Variants in YWHAQ observed in about 807,000 individuals in gnomAD.
The protein encoded by YWHAQ is 14-3-3 protein theta.
In YWHAQ, 6 loss-of-function variants were observed where a neutral mutation model predicts 28.3. That is an observed-to-expected ratio of 0.21 (90% CI 0.12 to 0.42). The LOEUF (loss-of-function observed/expected upper bound fraction) is 0.42. Ranked by LOEUF, YWHAQ falls within the 10% of genes least tolerant of loss-of-function variation. The pLI, the probability that YWHAQ is intolerant of heterozygous loss-of-function variation, is 1.00. For missense variants in YWHAQ, 201 were observed against 305.6 expected, an observed-to-expected ratio of 0.66 and a Z score of 2.55; for synonymous variants, 143 against 119.1, an observed-to-expected ratio of 1.20 and a Z score of -1.31.
At chr2:9,596,105 T>C (rs1348617520) in intron 2 of YWHAQ, among the ~76,000 whole-genome samples, 1 of 152,058 alleles carries the variant, frequency 6.6e-6, no homozygotes, top group Non-Finnish European at 1.5e-5. Flanking sequence ...AAAAATAGGA[T>C]GGGAACAATA....
chr2:9,622,713 T>G (rs181489680), intron 2 of YWHAQ, among the ~76,000 whole-genome samples: 1 of 152,346 alleles, frequency 6.6e-6, no homozygotes, highest in East Asian at 1.9e-4. Flanking sequence ...CTGTTTCATC[T>G]GTATTCCCCC....
chr2:9,588,989 G>A (rs1379182151), intron 3 of YWHAQ, among the ~76,000 whole-genome samples: 1 of 152,040 alleles, frequency 6.6e-6, no homozygotes, highest in Non-Finnish European at 1.5e-5. Flanking sequence ...AGGCATGGTA[G>A]TGCGTGCCTG....
chr2:9,607,283 G>A (rs568361242), intron 2 of YWHAQ, among the ~76,000 whole-genome samples: 39 of 142,492 alleles, frequency 2.7e-4, no homozygotes, highest in Non-Finnish European at 4.3e-4. Context: ...TCACTGCAAC[G>A]TCCACCTCCC....
chr2:9,620,050 G>A (rs984163265), intron 2 of YWHAQ, among the ~76,000 whole-genome samples: 3 of 152,118 alleles, frequency 2.0e-5, no homozygotes, highest in African/African-American at 7.2e-5. Context: ...TATAGCTTAT[G>A]GCTTTAAAGC....
At chr2:9,624,447 AATCCAAT>A (rs1667205458) in intron 2 of YWHAQ, among the ~76,000 whole-genome samples, 1 of 150,714 alleles carries the variant, frequency 6.6e-6, no homozygotes, top group Non-Finnish European at 1.5e-5. Context: ...AGCATGACAC[AATCCAAT>A]ACAACTTAAT....
At chr2:9,596,568 C>T (rs1374637616) in intron 2 of YWHAQ, among the ~76,000 whole-genome samples, 2 of 152,174 alleles carry the variant, frequency 1.3e-5, no homozygotes, top group Non-Finnish European at 2.9e-5. Context: ...AGCAAACACA[C>T]TATTAACATG....
At chr2:9,604,191 A>T (rs1313061885) in intron 2 of YWHAQ, among the ~76,000 whole-genome samples, 1 of 152,132 alleles carries the variant, frequency 6.6e-6, no homozygotes, top group Non-Finnish European at 1.5e-5. Flanking sequence ...AAAAATAATT[A>T]TTTAATTATG....
chr2:9,603,138 G>A (rs76963083), intron 2 of YWHAQ, among the ~76,000 whole-genome samples: 3,907 of 151,712 alleles, frequency 0.026, 164 homozygotes, highest in African/African-American at 0.09. Flanking sequence ...TAAACACAAC[G>A]TAGTCAGATA....
chr2:9,621,521 C>A (rs143904122), intron 2 of YWHAQ, among the ~76,000 whole-genome samples: 1 of 152,152 alleles, frequency 6.6e-6, no homozygotes, highest in Non-Finnish European at 1.5e-5. Flanking sequence ...TAACCTTTTG[C>A]CATACTTGCT....
chr2:9,591,298 G>A (rs1666450342), intron 3 of YWHAQ, 94 bp downstream of exon 3: 2 of 1,388,112 alleles, frequency 1.4e-6, no homozygotes, highest in Non-Finnish European at 1.9e-6. Flanking sequence ...AAGTCACAAA[G>A]AGCCTGAAGA....
intron 2 of YWHAQ, among the ~76,000 whole-genome samples, chr2:9,597,543 G>A (rs1376175772): frequency 6.6e-6 from 1 of 151,064 alleles, no homozygotes; most frequent in Non-Finnish European, 1.5e-5. Flanking sequence ...CTACTCGGGA[G>A]GCTGAGGCAG....
intron 2 of YWHAQ, among the ~76,000 whole-genome samples, chr2:9,591,896 G>A (rs1666462245): frequency 6.6e-6 from 1 of 152,190 alleles, no homozygotes; most frequent in Admixed American, 6.5e-5. Context: ...CTCACCGTCT[G>A]TAAGTACACC....
chr2:9,610,063 T>C (rs1346130777), intron 2 of YWHAQ, among the ~76,000 whole-genome samples: 1 of 152,164 alleles, frequency 6.6e-6, no homozygotes, highest in Admixed American at 6.5e-5. Flanking sequence ...CATGATTTTT[T>C]CCCCCTTAAT....
chr2:9,616,599 C>A (rs1667046041), intron 2 of YWHAQ, among the ~76,000 whole-genome samples: 1 of 151,746 alleles, frequency 6.6e-6, no homozygotes, highest in Non-Finnish European at 1.5e-5. Flanking sequence ...AGATTACAAC[C>A]CAATGATAAA....
chr2:9,588,036 AGAG>A (rs1666381186), intron 4 of YWHAQ, 126 bp downstream of exon 4: 10 of 1,164,754 alleles, frequency 8.6e-6, no homozygotes, highest in Admixed American at 6.4e-5. Context: ...GGGAAGAAAA[AGAG>A]GAGATTTCAA....
intron 2 of YWHAQ, among the ~76,000 whole-genome samples, chr2:9,595,981 T>G (rs1339743326): frequency 6.6e-6 from 1 of 152,058 alleles, no homozygotes; most frequent in African/African-American, 2.4e-5. Flanking sequence ...GATGAACTAG[T>G]AATTTGGAAC....
intron 2 of YWHAQ, among the ~76,000 whole-genome samples, chr2:9,597,169 C>T (rs554126427): frequency 2.0e-5 from 3 of 152,270 alleles, no homozygotes; most frequent in African/African-American, 4.8e-5. Flanking sequence ...CATTTTATGA[C>T]TATACCTGTT....
chr2:9,587,310 T>C (rs1049018030), intron 5 of YWHAQ, 104 bp downstream of exon 5: 9 of 1,018,588 alleles, frequency 8.8e-6, no homozygotes, highest in Non-Finnish European at 1.3e-5. Flanking sequence ...TATCTCATAC[T>C]TTCAGCTCGT....
At chr2:9,620,415 GATAA>G (rs1455689066) in intron 2 of YWHAQ, among the ~76,000 whole-genome samples, 3 of 152,194 alleles carry the variant, frequency 2.0e-5, no homozygotes, top group African/African-American at 7.2e-5. Flanking sequence ...AAGTTTCACT[GATAA>G]ATACTTTGAC....
Sources: allele counts gnomAD v4.1 joint callset (sites outside exome capture counted in the v4.1 genomes callset), GRCh38; gene constraint gnomAD v4.1.1; transcripts MANE v1.5; gene names NCBI Gene and HGNC (gene_info 2026-07-23, HGNC 2026-07-21).